GCNT2: variants seen among roughly 807,000 people sequenced by gnomAD.
The protein encoded by GCNT2 is N-acetyllactosaminide beta-1,6-N-acetylglucosaminyl-transferase.
GCNT2 carries 34 observed loss-of-function variants against 34.2 expected under a neutral mutation model. The ratio of observed to expected loss-of-function variants is 1.00; its 90% confidence interval spans 0.76 to 1.32. GCNT2 has a LOEUF of 1.32. Ranked by LOEUF, GCNT2 falls within the 40% of genes most tolerant of loss-of-function variation. GCNT2 has a pLI of 0.00. For missense variants in GCNT2, 584 were observed against 489.4 expected (o/e 1.19, Z -1.82); for synonymous variants, 212 against 188.0 (o/e 1.13, Z -1.04).
At chr6:10,589,081 TTTG>T (rs1764501741) in intron 3 of GCNT2, among the ~76,000 whole-genome samples, 1 of 135,892 alleles carries the variant, frequency 7.4e-6, no homozygotes, top group African/African-American at 2.8e-5. Flanking sequence ...GTGTGGCGTG[TTTG>T]TAGTGTGGTG....
chr6:10,539,657 CAG>C (rs1761949418), intron 3 of GCNT2, among the ~76,000 whole-genome samples: 2 of 151,906 alleles, frequency 1.3e-5, no homozygotes, highest in Admixed American at 1.3e-4. Flanking sequence ...AGAGAGAAAA[CAG>C]ATGAACTTCT....
chr6:10,614,865 G>T (rs1765699681), intron 3 of GCNT2, among the ~76,000 whole-genome samples: 1 of 152,066 alleles, frequency 6.6e-6, no homozygotes, highest in Non-Finnish European at 1.5e-5. Context: ...CTTTAACATT[G>T]GTTGAGAGTC....
intron 3 of GCNT2, among the ~76,000 whole-genome samples, chr6:10,564,040 CTT>C (rs1424177795): frequency 3.9e-5 from 6 of 152,106 alleles, no homozygotes; most frequent in South Asian, 2.1e-4. Context: ...CACTCAAAAA[CTT>C]TCTCTTTCAT....
chr6:10,572,491 A>G (rs1395875091), intron 3 of GCNT2, among the ~76,000 whole-genome samples: 2 of 152,124 alleles, frequency 1.3e-5, no homozygotes, highest in African/African-American at 4.8e-5. Context: ...TGGGAGGTCA[A>G]GGAGGCCAAG....
intron 3 of GCNT2, among the ~76,000 whole-genome samples, chr6:10,566,713 G>A (rs67470516): frequency 0.025 from 3,736 of 152,336 alleles, 83 homozygotes; most frequent in Non-Finnish European, 0.038. Context: ...CACATGAGCA[G>A]TACTCAAGAT....
intron 3 of GCNT2, among the ~76,000 whole-genome samples, chr6:10,585,049 G>T (rs1219793224): frequency 7.4e-6 from 1 of 134,678 alleles, no homozygotes; most frequent in African/African-American, 3.5e-5. Context: ...GTGTGTGTGT[G>T]TGTGTGTGTG....
At chr6:10,583,522 C>G (rs145929060) in intron 3 of GCNT2, among the ~76,000 whole-genome samples, 4 of 152,314 alleles carry the variant, frequency 2.6e-5, no homozygotes, top group African/African-American at 7.2e-5. Context: ...CCCCAGTGCA[C>G]TTCACATTGG....
chr6:10,590,674 C>G (rs1454132598), intron 3 of GCNT2, among the ~76,000 whole-genome samples: 1 of 151,990 alleles, frequency 6.6e-6, no homozygotes, highest in East Asian at 1.9e-4. Context: ...CTGCCTCAGC[C>G]TCCCGAGTAC....
intron 3 of GCNT2, among the ~76,000 whole-genome samples, chr6:10,603,298 T>TA (rs1416423290): frequency 6.6e-6 from 1 of 152,232 alleles, no homozygotes; most frequent in Non-Finnish European, 1.5e-5. Flanking sequence ...ATTTAATAGT[T>TA]ACGTTATTGT....
chr6:10,556,535 A>G, intron 3 of GCNT2: 2 of 1,614,038 alleles, frequency 1.2e-6, no homozygotes, highest in Non-Finnish European at 1.7e-6. Context: ...AAGGCTAAAT[A>G]TCTCAGACCC....
At position 10,628,889 on chromosome 6, in the gene GCNT2, G is replaced by A. The variant is rs1766375963; in HGVS notation, c.*2282G>A. On this transcript the variant is annotated 3_prime_UTR_variant, in exon 5 of 5. Transcript: ENST00000495262. ...ATATAAAAATTAGCCGGGCTTTGTGGCATGTGCCTGTAATCCCAGCTATTT... is the reference window on the plus strand; with the variant it reads ...ATATAAAAATTAGCCGGGCTTTGTGACATGTGCCTGTAATCCCAGCTATTT... The A allele has an allele frequency of 6.6e-6, 1 of 152,308 alleles. No individual in the cohort carries two copies. The highest frequency in any genetic ancestry group is 1.5e-5 in the Non-Finnish European group (1 of 68,102). The allele number at this position is 152,308 out of a possible 1,614,324, so 9.4% of individuals were successfully genotyped here. A position where few individuals can be genotyped will look rare whatever the true frequency, so the allele number is the denominator to read the frequency against.
chr6:10,546,139 T>TGG (rs1427541871), intron 3 of GCNT2, among the ~76,000 whole-genome samples: 11 of 152,156 alleles, frequency 7.2e-5, no homozygotes, highest in African/African-American at 2.7e-4. Context: ...GGGTTACAGA[T>TGG]GGGCTACACG....
intron 2 of GCNT2, 47 bp downstream of exon 2, chr6:10,527,707 G>A (rs147641128): frequency 2.0e-4 from 30 of 147,636 alleles, no homozygotes; most frequent in African/African-American, 3.0e-4. Context: ...TAAGAGATAC[G>A]TGTGTATGCA....
At chr6:10,550,840 G>A (rs192103708) in intron 3 of GCNT2, among the ~76,000 whole-genome samples, 158 of 152,326 alleles carry the variant, frequency 1.0e-3, no homozygotes, top group Middle Eastern at 6.8e-3. Context: ...CAGGGGCCCT[G>A]TAACCTGTAT....
At chr6:10,586,117 ATT>A (rs747549187) in intron 3 of GCNT2, 39 of 1,614,072 alleles carry the variant, frequency 2.4e-5, no homozygotes, top group Non-Finnish European at 3.2e-5. Context: ...AGTGAAAGGT[ATT>A]TTAGGAAAAC....
At chr6:10,568,500 C>T (rs892409990) in intron 3 of GCNT2, among the ~76,000 whole-genome samples, 3 of 152,210 alleles carry the variant, frequency 2.0e-5, no homozygotes, top group African/African-American at 7.2e-5. Flanking sequence ...TCCAAGTGGT[C>T]TCTCTGGCCC....
At chr6:10,624,759 G>A (rs1313652097) in intron 4 of GCNT2, among the ~76,000 whole-genome samples, 2 of 152,138 alleles carry the variant, frequency 1.3e-5, no homozygotes, top group African/African-American at 4.8e-5. Flanking sequence ...TGTTTCAAGA[G>A]GACAAGTCAC....
In GCNT2 at chr6:10,537,698, C is replaced by CAAAAAAAA. The variant is rs201257236; in HGVS notation, c.925+7883_925+7890dup. The stretch of plus-strand genomic sequence containing the variant: ...CCTGGGCAAGAGGGAGATTCTGCCG[C>CAAAAAAAA]AAAAAAAAAAAAAAAAAAAAAAAAA... On this transcript the variant is annotated intron_variant, in intron 3 of 4. Transcript: ENST00000495262. 2.5e-3 allele frequency among the ~76,000 whole-genome samples: 211 copies of CAAAAAAAA among 83,192 alleles called. 1 individual carries two copies. The highest frequency in any genetic ancestry group is 3.4e-3 in the Non-Finnish European group (154 of 44,790). The allele number at this position is 83,192 out of a possible 152,430, so 54.6% of individuals were successfully genotyped here.
intron 3 of GCNT2, among the ~76,000 whole-genome samples, chr6:10,575,672 CT>C (rs55890245): frequency 0.24 from 36,810 of 151,984 alleles, 6,197 homozygotes; most frequent in African/African-American, 0.48. Flanking sequence ...CTTGCCCCAC[CT>C]TTAACTGATG....
Sources: allele counts gnomAD v4.1 joint callset (sites outside exome capture counted in the v4.1 genomes callset), GRCh38; gene constraint gnomAD v4.1.1; transcripts MANE v1.5; gene names NCBI Gene and HGNC (gene_info 2026-07-23, HGNC 2026-07-21).